Variants in ADAMTS6 observed in about 807,000 individuals in gnomAD.
ADAMTS6 encodes ADAM metallopeptidase with thrombospondin type 1 motif 6.
Under a neutral mutation model 144.3 loss-of-function variants are expected in ADAMTS6, and 23 were observed. The observed-to-expected ratio is 0.16, with a 90% CI of 0.11 to 0.23. The LOEUF (loss-of-function observed/expected upper bound fraction) is 0.23. Ranked by LOEUF, ADAMTS6 falls within the 10% of genes least tolerant of loss-of-function variation. ADAMTS6 has a pLI of 1.00. For synonymous variants in ADAMTS6, 444 were observed against 457.5 expected (o/e 0.97, Z 0.38); for missense variants, 999 against 1,379.6 (o/e 0.72, Z 4.37).
chr5:65,377,184 G>A (rs1279625435), intron 7 of ADAMTS6, among the ~76,000 whole-genome samples: 5 of 152,178 alleles, frequency 3.3e-5, no homozygotes, highest in Non-Finnish European at 7.3e-5. Flanking sequence ...GGGAGTGACA[G>A]AGACAAGTAC....
At chr5:65,189,018 C>T (rs1004305073) in intron 21 of ADAMTS6, among the ~76,000 whole-genome samples, 3 of 152,154 alleles carry the variant, frequency 2.0e-5, no homozygotes, top group Non-Finnish European at 4.4e-5. Flanking sequence ...AAAACACCTT[C>T]GGCAAGAGCA....
intron 4 of ADAMTS6, among the ~76,000 whole-genome samples, chr5:65,458,706 G>A (rs1269111437): frequency 9.9e-5 from 15 of 152,142 alleles, no homozygotes; most frequent in Non-Finnish European, 1.8e-4. Flanking sequence ...CACTGCACCC[G>A]GCCAACCCTT....
intron 20 of ADAMTS6, among the ~76,000 whole-genome samples, chr5:65,202,348 C>G (rs536018653): frequency 6.6e-6 from 1 of 152,134 alleles, no homozygotes; most frequent in Non-Finnish European, 1.5e-5. Context: ...GTGGAACATA[C>G]GTATACTGAG....
At chr5:65,156,466 T>C (rs748901935) in intron 24 of ADAMTS6, among the ~76,000 whole-genome samples, 48 of 152,198 alleles carry the variant, frequency 3.2e-4, no homozygotes, top group Non-Finnish European at 7.3e-5. Flanking sequence ...ACAAATGTTC[T>C]GTTTTAATTT....
At chr5:65,277,462 T>A (rs1166443128) in intron 11 of ADAMTS6, among the ~76,000 whole-genome samples, 4 of 152,078 alleles carry the variant, frequency 2.6e-5, no homozygotes, top group African/African-American at 9.7e-5. Flanking sequence ...CGTTTTGAGG[T>A]CTCACTGCAA....
intron 3 of ADAMTS6, among the ~76,000 whole-genome samples, chr5:65,468,098 C>G (rs183354253): frequency 6.6e-6 from 1 of 151,982 alleles, no homozygotes; most frequent in East Asian, 1.9e-4. Context: ...GGTCCAAATA[C>G]ACAGCAAATT....
intron 11 of ADAMTS6, among the ~76,000 whole-genome samples, chr5:65,278,752 A>T (rs1370994092): frequency 6.6e-6 from 1 of 152,106 alleles, no homozygotes; most frequent in Non-Finnish European, 1.5e-5. Flanking sequence ...TTAGCAAGGG[A>T]CACTTTTTCA....
Position 65,322,567 on chromosome 5 carries a change from T to G in ADAMTS6, c.1223+6811A>C, listed in dbSNP as rs537312646. 6.0e-5 allele frequency among the ~76,000 whole-genome samples: 9 copies of G among 151,062 alleles called. No homozygotes were observed. The South Asian group carries it at 1.9e-3, about 32-fold the overall frequency. ...CTTTGAGCAGTGGTATGTAGTTTTTTTTTTTTTTTTTTGTAGAGATCTTTC... is the reference window on the plus strand; with the variant it reads ...CTTTGAGCAGTGGTATGTAGTTTTTGTTTTTTTTTTTTGTAGAGATCTTTC... On this transcript the variant is annotated intron_variant, in intron 9 of 24. Coordinates refer to ENST00000381055, the MANE Select transcript of ADAMTS6 (RefSeq NM_197941.4).
chr5:65,441,785 G>T (rs181312630), intron 7 of ADAMTS6, among the ~76,000 whole-genome samples: 114 of 151,442 alleles, frequency 7.5e-4, no homozygotes, highest in Non-Finnish European at 2.1e-4. Flanking sequence ...TTCTGCAGTG[G>T]GGGGGAATTT....
rs75851602 is a variant in ADAMTS6 at position 65,335,551 on chromosome 5, T to C, written c.1074-1466A>G. ...GGTAATGCAGATACAGATGTTTCAA[T>C]AGAATCTATTTCTAAACCTCCAAGT... On this transcript the variant is annotated intron_variant, in intron 7 of 24. Transcript: ENST00000381055. Among the ~76,000 whole-genome samples the C allele has an allele frequency of 9.1e-3, 1,382 of 152,252 alleles. 23 individuals carry two copies. The highest frequency in any genetic ancestry group is 0.031 in the African/African-American group (1,304 of 41,558).
chr5:65,403,984 A>G (rs1487419299), intron 7 of ADAMTS6, among the ~76,000 whole-genome samples: 1 of 152,166 alleles, frequency 6.6e-6, no homozygotes, highest in African/African-American at 2.4e-5. Flanking sequence ...CATGAATATT[A>G]TACTTTCTCC....
intron 7 of ADAMTS6, among the ~76,000 whole-genome samples, chr5:65,335,450 G>A (rs924627286): frequency 1.3e-5 from 2 of 152,108 alleles, no homozygotes; most frequent in Non-Finnish European, 2.9e-5. Flanking sequence ...TTGCAACATA[G>A]TGTGTTATGC....
At chr5:65,242,394 G>A (rs1377840454) in intron 14 of ADAMTS6, among the ~76,000 whole-genome samples, 188 bp from the exon 15 acceptor site, 1 of 152,118 alleles carries the variant, frequency 6.6e-6, no homozygotes, top group Non-Finnish European at 1.5e-5. Context: ...CTTAACTATA[G>A]AAGATATAAC....
At chr5:65,216,723 A>T (rs1756944235) in intron 18 of ADAMTS6, among the ~76,000 whole-genome samples, 1 of 151,942 alleles carries the variant, frequency 6.6e-6, no homozygotes, top group Non-Finnish European at 1.5e-5. Context: ...ATGACAAAAA[A>T]CTCAGAAAAA....
intron 7 of ADAMTS6, among the ~76,000 whole-genome samples, chr5:65,437,376 G>A (rs1169145958): frequency 2.6e-5 from 4 of 152,186 alleles, no homozygotes; most frequent in Admixed American, 6.5e-5. Flanking sequence ...TTACAGGTGT[G>A]AGCCACCACA....
At chr5:65,383,804 C>T (rs1167779302) in intron 7 of ADAMTS6, among the ~76,000 whole-genome samples, 1 of 152,018 alleles carries the variant, frequency 6.6e-6, no homozygotes, top group Non-Finnish European at 1.5e-5. Flanking sequence ...TGACTCCCCT[C>T]ATAGCAATTC....
chr5:65,418,622 G>T lies in ADAMTS6; in HGVS notation c.1073+32853C>A, dbSNP rs74470507. Among the ~76,000 whole-genome samples, 189 of 152,124 alleles carry T rather than the reference G, an allele frequency of 1.2e-3. 2 individuals carry two copies. The East Asian group carries it at 0.03, about 24-fold the overall frequency. On this transcript the variant is annotated intron_variant, in intron 7 of 24. Coordinates refer to ENST00000381055, the MANE Select transcript of ADAMTS6 (RefSeq NM_197941.4). ...AATTTAATAACTTTAAAAAATGGGA[G>T]AATGGAAGAAAATATTTGCAAACTA...
At chr5:65,157,751 G>C (rs1473746434) in intron 24 of ADAMTS6, among the ~76,000 whole-genome samples, 1 of 152,128 alleles carries the variant, frequency 6.6e-6, no homozygotes, top group Non-Finnish European at 1.5e-5. Flanking sequence ...GTTGGGGTGG[G>C]GAATGTGAAC....
chr5:65,311,631 T>C (rs1241484447), intron 9 of ADAMTS6, among the ~76,000 whole-genome samples: 1 of 152,026 alleles, frequency 6.6e-6, no homozygotes, highest in East Asian at 1.9e-4. Flanking sequence ...TTTGTGTCAT[T>C]TCCTCCTATA....
Sources: allele counts gnomAD v4.1 joint callset (sites outside exome capture counted in the v4.1 genomes callset), GRCh38; gene constraint gnomAD v4.1.1; transcripts MANE v1.5; gene names NCBI Gene and HGNC (gene_info 2026-07-23, HGNC 2026-07-21).